The following SND1 variants were observed in gnomAD, a reference collection of about 807,000 sequenced individuals.
SND1 encodes staphylococcal nuclease domain-containing protein 1.
A neutral mutation model predicts 121.7 loss-of-function variants in SND1; 38 were observed. The ratio of observed to expected loss-of-function variants is 0.31; its 90% CI spans 0.24 to 0.41. The LOEUF is 0.41. Among genes scored for constraint, SND1 ranks in the 10% least tolerant of loss-of-function variants. SND1 has a pLI of 1.00. For synonymous variants in SND1, 401 were observed against 447.4 expected, an observed-to-expected ratio of 0.90 and a Z score of 1.31; for missense variants, 868 against 1,184.6, an observed-to-expected ratio of 0.73 and a Z score of 3.92.
chr7:127,908,011 C>T (rs1363419775), intron 14 of SND1, among the ~76,000 whole-genome samples: 1 of 152,076 alleles, frequency 6.6e-6, no homozygotes, highest in East Asian at 1.9e-4. Context: ...CTGTAGTGGC[C>T]AAATAAGCCG....
intron 16 of SND1, among the ~76,000 whole-genome samples, chr7:128,016,227 C>T (rs1211405831): frequency 6.6e-6 from 1 of 151,048 alleles, no homozygotes; most frequent in African/African-American, 2.4e-5. Flanking sequence ...AAGAGTTCCT[C>T]CCTCCTCAGC....
At chr7:127,886,611 T>C (rs1305044841) in intron 12 of SND1, among the ~76,000 whole-genome samples, 1 of 152,084 alleles carries the variant, frequency 6.6e-6, no homozygotes, top group Non-Finnish European at 1.5e-5. Context: ...CTCAATAATA[T>C]CATGCTTCTT....
intron 12 of SND1, among the ~76,000 whole-genome samples, chr7:127,857,604 C>A (rs1455626336): frequency 1.3e-5 from 2 of 151,844 alleles, no homozygotes; most frequent in African/African-American, 4.8e-5. Context: ...CCCTGACAGG[C>A]ACCTCCAAGG....
At chr7:127,917,172 A>G (rs904806277) in intron 14 of SND1, among the ~76,000 whole-genome samples, 2 of 152,208 alleles carry the variant, frequency 1.3e-5, no homozygotes, top group Non-Finnish European at 2.9e-5. Flanking sequence ...GAACCCCAAT[A>G]TAATATCCAC....
At chr7:127,808,354 G>A (rs1014853626) in intron 11 of SND1, among the ~76,000 whole-genome samples, 30 of 152,000 alleles carry the variant, frequency 2.0e-4, no homozygotes, top group East Asian at 1.4e-3. Context: ...TGGTCGAGAC[G>A]GAGTTTCACC....
chr7:127,758,259 A>G (rs1355835743), intron 10 of SND1, among the ~76,000 whole-genome samples: 2 of 152,248 alleles, frequency 1.3e-5, no homozygotes, highest in East Asian at 1.9e-4. Context: ...AAGGAAATCA[A>G]AGCTCACAGA....
intron 1 of SND1, among the ~76,000 whole-genome samples, chr7:127,655,974 C>T (rs1007556472): frequency 6.6e-6 from 1 of 152,166 alleles, no homozygotes; most frequent in Non-Finnish European, 1.5e-5. Context: ...GAAGGGAGGA[C>T]GGACAGTGCC....
chr7:127,853,874 T>C (rs1799219590), intron 12 of SND1, among the ~76,000 whole-genome samples: 1 of 152,236 alleles, frequency 6.6e-6, no homozygotes, highest in African/African-American at 2.4e-5. Flanking sequence ...TCTGGCTGGC[T>C]GGCCATGCTT....
At position 127,701,210 on chromosome 7, in the gene SND1, C is replaced by A. The variant is rs373473487; in HGVS notation, c.476C>A (p.Ala159Asp). The change falls in exon 5 of 24, where the codon GCC (alanine) becomes GAC (aspartate). Residue 159 changes from alanine (A) to aspartate (D), a missense_variant. Ala to Asp is a moderately radical substitution (Grantham distance 126). Around this residue, in one of 2 missense-constraint regions of SND1, gnomAD observed 743 missense variants for 1,071.3 expected, o/e 0.69. Transcript: ENST00000354725. ...GAATGTGAAGAACAAGCAAAGGCAG[C>A]CAAGAAAGGGATGTGGAGTGAGGGG... ...LSECEEQAKA[A>D]KKGMWSEGNG... is the part of the protein sequence containing the mutation. 6.2e-7 allele frequency: 1 copy of A among 1,613,796 alleles called. No homozygotes were observed. The highest frequency in any genetic ancestry group is 8.5e-7 in the Non-Finnish European group (1 of 1,179,956).
At chr7:127,984,903 C>T (rs1353147456) in intron 15 of SND1, among the ~76,000 whole-genome samples, 4 of 152,074 alleles carry the variant, frequency 2.6e-5, no homozygotes, top group African/African-American at 9.7e-5. Context: ...AATGTCAGTT[C>T]GTCCCCTCTG....
intron 12 of SND1, among the ~76,000 whole-genome samples, chr7:127,871,780 G>T (rs1441155587): frequency 1.3e-5 from 2 of 152,156 alleles, no homozygotes; most frequent in African/African-American, 4.8e-5. Context: ...GGATAGAAGT[G>T]TGAATCTACA....
chr7:128,035,751 C>T (rs1584754362), intron 16 of SND1, among the ~76,000 whole-genome samples: 1 of 152,332 alleles, frequency 6.6e-6, no homozygotes, highest in African/African-American at 2.4e-5. Flanking sequence ...CACCAGTCTG[C>T]ACTTCCTAGT....
intron 2 of SND1, 33 bp downstream of exon 2, chr7:127,686,795 G>A: frequency 6.3e-7 from 1 of 1,596,878 alleles, no homozygotes; most frequent in Non-Finnish European, 8.6e-7. Flanking sequence ...GTGAGCCTGT[G>A]GACCTAGGTA....
intron 9 of SND1, among the ~76,000 whole-genome samples, chr7:127,715,757 C>T (rs1796377309): frequency 1.3e-5 from 2 of 152,108 alleles, no homozygotes; most frequent in Non-Finnish European, 2.9e-5. Context: ...TTGCCTGTTC[C>T]TTTGGTGTCA....
chr7:127,769,199 A>C (rs1237359308), intron 10 of SND1, among the ~76,000 whole-genome samples: 1 of 152,086 alleles, frequency 6.6e-6, no homozygotes, highest in Non-Finnish European at 1.5e-5. Context: ...AGAGTGGTCA[A>C]GAGAGGGCTT....
chr7:127,982,401 T>A (rs1802286083), intron 15 of SND1, among the ~76,000 whole-genome samples: 1 of 152,228 alleles, frequency 6.6e-6, no homozygotes, highest in African/African-American at 2.4e-5. Flanking sequence ...CAGTTCTGAC[T>A]CCCCTGACTA....
At chr7:127,974,334 G>A (rs945175591) in intron 15 of SND1, among the ~76,000 whole-genome samples, 1 of 152,204 alleles carries the variant, frequency 6.6e-6, no homozygotes, top group Non-Finnish European at 1.5e-5. Context: ...GGTGAATTTG[G>A]AGTGGTTTGG....
rs187294277 is a variant in SND1 at position 127,654,466 on chromosome 7, T to C, written c.78+2015T>C. 3.3e-5 allele frequency among the ~76,000 whole-genome samples: 5 copies of C among 152,300 alleles called. No individual in the cohort carries two copies. The East Asian group carries it at 9.6e-4, about 29-fold the overall frequency. ...ATGCTCTTCAATATCATGCATGATG[T>C]CTCTGACTTCATGACTCCAGGGTAT... On this transcript the variant is annotated intron_variant, in intron 1 of 23. Coordinates refer to ENST00000354725, the MANE Select transcript of SND1 (RefSeq NM_014390.4).
chr7:128,079,246 C>T (rs1793557833), intron 17 of SND1, among the ~76,000 whole-genome samples: 1 of 152,268 alleles, frequency 6.6e-6, no homozygotes, highest in Non-Finnish European at 1.5e-5. Context: ...TTATGGCTCT[C>T]TCCTGGCCCT....
Sources: allele counts gnomAD v4.1 joint callset (sites outside exome capture counted in the v4.1 genomes callset), GRCh38; gene constraint gnomAD v4.1.1; regional missense constraint gnomAD v4.1.1; transcripts MANE v1.5; gene names NCBI Gene and HGNC (gene_info 2026-07-23, HGNC 2026-07-21).